ARHGEF3: variants seen among roughly 807,000 people sequenced by gnomAD.
The protein encoded by ARHGEF3 is 59.8 kDA protein.
Under a neutral mutation model 63.2 loss-of-function variants are expected in ARHGEF3, and 28 were observed. The ratio of observed to expected loss-of-function variants is 0.44; its 90% CI spans 0.33 to 0.61. The LOEUF (loss-of-function observed/expected upper bound fraction) is 0.61, where lower values mean the gene tolerates loss of function less well. Ranked by LOEUF, ARHGEF3 falls within the 20% of genes least tolerant of loss-of-function variation. ARHGEF3 has a pLI of 0.03. For missense variants in ARHGEF3, 533 were observed against 659.3 expected, an observed-to-expected ratio of 0.81 and a Z score of 2.10; for synonymous variants, 266 against 254.2, an observed-to-expected ratio of 1.05 and a Z score of -0.44.
chr3:56,824,152 A>G (rs1275568518), intron 4 of ARHGEF3, among the ~76,000 whole-genome samples: 1 of 152,230 alleles, frequency 6.6e-6, no homozygotes, highest in Non-Finnish European at 1.5e-5. Flanking sequence ...TTTGCTTAAC[A>G]GAGAGCTTTA....
At chr3:56,863,559 C>G (rs2108199070) in intron 4 of ARHGEF3, among the ~76,000 whole-genome samples, 1 of 152,232 alleles carries the variant, frequency 6.6e-6, no homozygotes, top group East Asian at 1.9e-4. Flanking sequence ...CTTGGCCTCC[C>G]AAAGCACTGG....
intron 2 of ARHGEF3, among the ~76,000 whole-genome samples, chr3:56,970,527 TAAG>T (rs1700864139): frequency 6.6e-6 from 1 of 152,140 alleles, no homozygotes; most frequent in African/African-American, 2.4e-5. Flanking sequence ...TCAACGATGA[TAAG>T]AACTCCCACA....
intron 4 of ARHGEF3, among the ~76,000 whole-genome samples, chr3:56,874,790 G>C (rs1432391334): frequency 6.6e-6 from 1 of 152,182 alleles, no homozygotes; most frequent in Non-Finnish European, 1.5e-5. Flanking sequence ...GTGGTGTGGG[G>C]AGGCTGTGGA....
At chr3:56,843,290 C>T (rs927945971) in intron 4 of ARHGEF3, among the ~76,000 whole-genome samples, 1 of 152,116 alleles carries the variant, frequency 6.6e-6, no homozygotes, top group African/African-American at 2.4e-5. Flanking sequence ...GACAGGGTCT[C>T]ACTCTGTCTC....
chr3:56,801,934 C>T lies in ARHGEF3; in HGVS notation c.-136G>A, dbSNP rs773210258. On this transcript the variant is annotated 5_prime_UTR_variant, in exon 1 of 10. Transcript: ENST00000296315. ...CGGAGACCGACAGCCGGCTTCTAGCCGGGCAGGACTCGACTGGGCTCCGGA... is the reference window on the plus strand; with the variant it reads ...CGGAGACCGACAGCCGGCTTCTAGCTGGGCAGGACTCGACTGGGCTCCGGA... The T allele has an allele frequency of 7.4e-7, 1 of 1,354,144 alleles. No individual in the cohort carries two copies. The highest frequency in any genetic ancestry group is 9.7e-7 in the Non-Finnish European group (1 of 1,028,534). 83.9% of individuals were successfully genotyped at this position (1,354,144 alleles called of 1,614,324 possible). A position where few individuals can be genotyped will look rare whatever the true frequency, so the allele number is the denominator to read the frequency against.
At chr3:56,916,572 C>G in intron 3 of ARHGEF3, 1 of 1,156,040 alleles carries the variant, frequency 8.7e-7, no homozygotes, top group Non-Finnish European at 1.1e-6. Flanking sequence ...TTTTGCAGAG[C>G]ACTCTTTGGG....
intron 3 of ARHGEF3, among the ~76,000 whole-genome samples, chr3:56,941,752 A>G (rs1449736462): frequency 6.6e-6 from 1 of 152,232 alleles, no homozygotes; most frequent in Non-Finnish European, 1.5e-5. Context: ...ATTGTTGTTC[A>G]TCAGTGACGA....
chr3:56,922,099 T>C (rs888966945), intron 3 of ARHGEF3, among the ~76,000 whole-genome samples: 5 of 149,750 alleles, frequency 3.3e-5, no homozygotes, highest in Non-Finnish European at 7.4e-5. Flanking sequence ...GGAAAGCTGA[T>C]GTATGCTGTG....
rs146775599 is a variant in ARHGEF3 at position 56,836,509 on chromosome 3, T to C, written c.192+45783A>G. ...CACCCACAGAGTCCCTACAATCATGTTTGGGATGCCAAAGCGTTTTCAACC... is the reference window on the plus strand; with the variant it reads ...CACCCACAGAGTCCCTACAATCATGCTTGGGATGCCAAAGCGTTTTCAACC... On this transcript the variant is annotated intron_variant, in intron 4 of 12. Coordinates refer to the ARHGEF3 transcript ENST00000338458. 4.7e-3 allele frequency among the ~76,000 whole-genome samples: 711 copies of C among 152,288 alleles called. 6 individuals are homozygous for C. The highest frequency in any genetic ancestry group is 0.017 in the African/African-American group (691 of 41,566).
intron 2 of ARHGEF3, among the ~76,000 whole-genome samples, chr3:57,008,680 C>G (rs901473803): frequency 2.0e-5 from 3 of 152,114 alleles, no homozygotes; most frequent in Non-Finnish European, 4.4e-5. Context: ...CCATGTTGGC[C>G]AGGCCGGTCT....
chr3:57,066,967 T>C lies in ARHGEF3; in HGVS notation c.-28+12259A>G, dbSNP rs77287429. ...TCCTAAAAATCAACCTCTCAATAGA[T>C]AGATGAGCGATTGATTGACACACAT... On this transcript the variant is annotated intron_variant, in intron 1 of 12. Transcript: ENST00000338458. Among the ~76,000 whole-genome samples, 1,515 of 152,232 alleles carry C rather than the reference T, an allele frequency of 1.0e-2. 28 individuals are homozygous for C. The highest frequency in any genetic ancestry group is 0.035 in the African/African-American group (1,433 of 41,520).
chr3:56,907,058 T>C (rs1203611874), intron 3 of ARHGEF3, among the ~76,000 whole-genome samples: 2 of 138,068 alleles, frequency 1.4e-5, no homozygotes, highest in African/African-American at 5.4e-5. Context: ...CCCAGCTCAC[T>C]GCAACCTCTG....
chr3:56,868,194 C>T (rs1363236903), intron 4 of ARHGEF3, among the ~76,000 whole-genome samples: 2 of 152,088 alleles, frequency 1.3e-5, no homozygotes, highest in Non-Finnish European at 2.9e-5. Context: ...GCTTCTAGAG[C>T]CTAATGCCTA....
rs575760900 is a variant in ARHGEF3, at chr3:56,798,676, C to T, written c.96+3027G>A. 1.6e-3 allele frequency among the ~76,000 whole-genome samples: 247 copies of T among 151,930 alleles called. 1 individual carries two copies. The highest frequency in any genetic ancestry group is 5.5e-3 in the African/African-American group (228 of 41,394). On this transcript the variant is annotated intron_variant, in intron 1 of 9. Transcript: ENST00000296315. The stretch of plus-strand genomic sequence containing the variant: ...TTTAGTGATTTGATCAGGTGTTTAG[C>T]GCAGCTATGTAGACCAGTCCCTTTT...
chr3:56,882,464 C>G, intron 3 of ARHGEF3: 2 of 854,096 alleles, frequency 2.3e-6, no homozygotes, highest in South Asian at 3.0e-5. Flanking sequence ...TCATTTCTAC[C>G]ATGGTACCCA....
chr3:57,057,713 T>C (rs1024584955), intron 1 of ARHGEF3, among the ~76,000 whole-genome samples: 1 of 152,110 alleles, frequency 6.6e-6, no homozygotes, highest in Admixed American at 6.6e-5. Flanking sequence ...ACAATTTGAG[T>C]GGTCAACTCA....
rs1229914212 is a variant in ARHGEF3, at chr3:56,882,313, G to C, written c.171C>G (p.Ser57Arg). ...TTACACTTATGTCGAGACTGCAAAG[G>C]CTAACAGCATCTTCATCTTGGGTGC... is the stretch of plus-strand genomic sequence containing the variant. The change falls in exon 4 of 13, where the codon AGC becomes AGG. Residue 57 changes from serine (S) to arginine (R), a missense_variant. Physicochemically the swap from Ser to Arg is moderately radical, Grantham distance 110. Transcript: ENST00000338458. 3 of 1,551,640 alleles carry C rather than the reference G, an allele frequency of 1.9e-6. No individual in the cohort carries two copies. In the African/African-American group the frequency reaches 4.1e-5, roughly 21 times the overall value.
chr3:56,797,975 T>C (rs773672501), intron 1 of ARHGEF3, among the ~76,000 whole-genome samples: 3 of 152,250 alleles, frequency 2.0e-5, no homozygotes, highest in Non-Finnish European at 4.4e-5. Context: ...CTGCTGATTT[T>C]CTTTGCAGCT....
At chr3:56,976,435 G>A (rs898584319) in intron 2 of ARHGEF3, among the ~76,000 whole-genome samples, 4 of 152,292 alleles carry the variant, frequency 2.6e-5, no homozygotes, top group East Asian at 1.9e-4. Context: ...CAGGTACTCC[G>A]TAAGGGCTTC....
Sources: gnomAD v4.1 joint callset for allele counts (sites outside exome capture counted in the v4.1 genomes callset) on GRCh38, gnomAD v4.1.1 for gene constraint, MANE v1.5 for transcripts, NCBI Gene and HGNC (gene_info 2026-07-23, HGNC 2026-07-21) for gene names.